ANKRD10: variants seen among roughly 807,000 people sequenced by gnomAD.
ANKRD10 encodes the protein ankyrin repeat domain-containing protein 10.
In ANKRD10, 14 loss-of-function variants were observed where a neutral mutation model predicts 27.0. The ratio of observed to expected loss-of-function variants is 0.52; its 90% CI spans 0.34 to 0.81. The LOEUF (loss-of-function observed/expected upper bound fraction) is 0.81, where lower values mean the gene tolerates loss of function less well. Among genes scored for constraint, ANKRD10 ranks in the 40% least tolerant of loss-of-function variants. ANKRD10 has a pLI of 0.01. For missense variants in ANKRD10, 493 were observed against 544.0 expected (o/e 0.91, Z 0.93); for synonymous variants, 250 against 224.5 (o/e 1.11, Z -1.01).
chr13:110,896,405 T>C (rs1324897006), intron 3 of ANKRD10, among the ~76,000 whole-genome samples: 3 of 152,328 alleles, frequency 2.0e-5, no homozygotes, highest in South Asian at 2.1e-4. Flanking sequence ...AGGAAATCTG[T>C]TGGTACCTGA....
intron 1 of ANKRD10, chr13:110,914,452 C>T (rs1037566208): frequency 3.7e-5 from 11 of 295,076 alleles, no homozygotes; most frequent in Middle Eastern, 9.9e-4. Context: ...TAGAAACTTG[C>T]TACGCGCGCC....
At chr13:110,897,897 A>G (rs1360872449) in intron 3 of ANKRD10, among the ~76,000 whole-genome samples, 2 of 152,208 alleles carry the variant, frequency 1.3e-5, no homozygotes, top group Non-Finnish European at 2.9e-5. Flanking sequence ...TAACGGGGGT[A>G]AGACAATCTC....
At chr13:110,883,905 T>TAAAAAAAAAAAAA in intron 4 of ANKRD10, 112 bp from the exon 5 acceptor site, 3 of 1,000,638 alleles carry the variant, frequency 3.0e-6, no homozygotes, top group East Asian at 3.6e-5. Flanking sequence ...AACAATCACA[T>TAAAAAAAAAAAAA]AAAAAAAAAT....
intron 2 of ANKRD10, among the ~76,000 whole-genome samples, chr13:110,910,110 CG>C (rs2065653516): frequency 6.6e-6 from 1 of 152,160 alleles, no homozygotes; most frequent in Non-Finnish European, 1.5e-5. Context: ...AAATCTGGCA[CG>C]ATTATGTTCC....
intron 2 of ANKRD10, among the ~76,000 whole-genome samples, chr13:110,908,070 G>GT (rs2065588355): frequency 6.6e-6 from 1 of 151,064 alleles, no homozygotes; most frequent in African/African-American, 2.4e-5. Flanking sequence ...GAAAAGATAC[G>GT]TAAGACTAAA....
intron 3 of ANKRD10, among the ~76,000 whole-genome samples, chr13:110,898,750 C>CTTTTT (rs56176208): frequency 1.9e-3 from 199 of 106,476 alleles, no homozygotes; most frequent in East Asian, 7.8e-3. Context: ...TTTTTCTTTT[C>CTTTTT]TTTTTTTTTT....
intron 2 of ANKRD10, 61 bp downstream of exon 2, chr13:110,910,557 A>T (rs775299558): frequency 6.3e-7 from 1 of 1,594,040 alleles, no homozygotes; most frequent in Admixed American, 1.7e-5. Context: ...AATACCGTGT[A>T]TAATTATAAC....
intron 5 of ANKRD10, 40 bp downstream of exon 5, chr13:110,883,658 G>C: frequency 6.2e-7 from 1 of 1,610,434 alleles, no homozygotes; most frequent in Non-Finnish European, 8.5e-7. Context: ...TTCAACCATT[G>C]GATTGTTGTT....
intron 3 of ANKRD10, chr13:110,900,573 A>C: frequency 7.4e-7 from 1 of 1,351,264 alleles, no homozygotes; most frequent in Non-Finnish European, 9.8e-7. Flanking sequence ...GATACTGAAC[A>C]TTCAATGCCA....
At chr13:110,903,442 A>C (rs1157148929) in intron 3 of ANKRD10, 1 of 154,734 alleles carries the variant, frequency 6.5e-6, no homozygotes, top group African/African-American at 2.4e-5. Context: ...ATTTAAAATA[A>C]GAAAAGAAAA....
chr13:110,897,784 A>G (rs1242733418), intron 3 of ANKRD10, among the ~76,000 whole-genome samples: 5 of 152,174 alleles, frequency 3.3e-5, no homozygotes, highest in African/African-American at 7.2e-5. Flanking sequence ...ACTCTTCTCC[A>G]TAACGGTTGT....
At chr13:110,904,730 T>C (rs1306996432) in intron 3 of ANKRD10, among the ~76,000 whole-genome samples, 1 of 152,260 alleles carries the variant, frequency 6.6e-6, no homozygotes, top group East Asian at 1.9e-4. Flanking sequence ...ATACTATCAA[T>C]TGTTTCTACA....
Position 110,879,619 on chromosome 13 carries a change from A to G in ANKRD10, c.*18T>C, listed in dbSNP as rs2064772433. 6.3e-7 allele frequency: 1 copy of G among 1,593,028 alleles called. No homozygotes were observed. Among genetic ancestry groups the G allele is most frequent in the Non-Finnish European group, 8.6e-7 (1 of 1,164,938 alleles). Reference sequence around the variant, plus strand: ...ACCAGGAAGGACTCCTGCGTTTCCGAGAGCCAGGTCAGCGTCTCTAGGAGC... The same window carrying G: ...ACCAGGAAGGACTCCTGCGTTTCCGGGAGCCAGGTCAGCGTCTCTAGGAGC... On this transcript the variant is annotated 3_prime_UTR_variant, in exon 6 of 6. Coordinates refer to ENST00000267339, the MANE Select transcript of ANKRD10 (RefSeq NM_017664.4).
At chr13:110,898,285 C>CTAA (rs1414400577) in intron 3 of ANKRD10, among the ~76,000 whole-genome samples, 1 of 152,006 alleles carries the variant, frequency 6.6e-6, no homozygotes, top group East Asian at 1.9e-4. Flanking sequence ...ATTTCAAGTA[C>CTAA]GTTAGACTGA....
chr13:110,893,924 G>C (rs552666798), intron 3 of ANKRD10, among the ~76,000 whole-genome samples: 6 of 152,254 alleles, frequency 3.9e-5, no homozygotes, highest in East Asian at 1.9e-4. Context: ...CCTTTAAAAA[G>C]GCTTTGAATA....
At position 110,914,801 on chromosome 13, in the gene ANKRD10, G is replaced by C. The variant is rs2065841204; in HGVS notation, c.134C>G (p.Thr45Arg). ...LATLCSLLQQTPHAHLASEDS... is the reference protein window; with the variant it reads ...LATLCSLLQQRPHAHLASEDS... ...CTCAGAGGCCAGGTGGGCGTGGGGTGTCTGCTGCAGCAGCGAGCAGAGCGT... is the reference window on the plus strand; with the variant it reads ...CTCAGAGGCCAGGTGGGCGTGGGGTCTCTGCTGCAGCAGCGAGCAGAGCGT... The change falls in exon 1 of 6, where the codon ACA becomes AGA. Residue 45 changes from threonine to arginine, a missense_variant. Physicochemically the swap from Thr to Arg is moderately conservative, Grantham distance 71. Coordinates refer to ENST00000267339, the MANE Select transcript of ANKRD10 (RefSeq NM_017664.4). 2 of 1,594,452 alleles carry C rather than the reference G, an allele frequency of 1.3e-6. No individual in the cohort carries two copies. Among genetic ancestry groups the C allele is most frequent in the Non-Finnish European group, 1.7e-6 (2 of 1,171,274 alleles).
chr13:110,883,558 C>G (rs750299558), intron 5 of ANKRD10, 140 bp downstream of exon 5: 9 of 1,402,828 alleles, frequency 6.4e-6, no homozygotes, highest in Admixed American at 3.0e-5. Flanking sequence ...CATACTGATT[C>G]CTGCAACGAC....
At chr13:110,913,909 C>A (rs1260518251) in intron 1 of ANKRD10, among the ~76,000 whole-genome samples, 1 of 152,164 alleles carries the variant, frequency 6.6e-6, no homozygotes, top group Non-Finnish European at 1.5e-5. Context: ...AGCTATCCAA[C>A]CTTTTAAAAC....
chr13:110,905,364 A>AC (rs1475521438), intron 3 of ANKRD10: 1 of 152,220 alleles, frequency 6.6e-6, no homozygotes, highest in Non-Finnish European at 1.5e-5. Flanking sequence ...AAAAGACTAC[A>AC]CGTAAACATT....
Sources: gnomAD v4.1 joint callset for allele counts (sites outside exome capture counted in the v4.1 genomes callset) on GRCh38, gnomAD v4.1.1 for gene constraint, MANE v1.5 for transcripts, NCBI Gene and HGNC (gene_info 2026-07-23, HGNC 2026-07-21) for gene names.